Variants in DPF3 observed in about 807,000 individuals in gnomAD.
The protein encoded by DPF3 is zinc finger protein DPF3.
In DPF3, 18 loss-of-function variants were observed where a neutral mutation model predicts 56.8. That is an observed-to-expected ratio of 0.32 (90% CI 0.22 to 0.47). DPF3 has a LOEUF of 0.47. DPF3 is among the 20% of genes least tolerant of loss of function. DPF3 has a pLI of 1.00. For missense variants in DPF3, 403 were observed against 488.8 expected (o/e 0.82, Z 1.65); for synonymous variants, 188 against 180.2 (o/e 1.04, Z -0.35).
intron 7 of DPF3, among the ~76,000 whole-genome samples, chr14:72,690,186 G>A (rs879722100): frequency 3.9e-5 from 6 of 152,152 alleles, no homozygotes; most frequent in Admixed American, 3.9e-4. Context: ...ACATCTCCAC[G>A]TAGGGCGAGG....
intron 6 of DPF3, among the ~76,000 whole-genome samples, chr14:72,694,212 C>A (rs1383409129): frequency 6.6e-6 from 1 of 152,192 alleles, no homozygotes; most frequent in Non-Finnish European, 1.5e-5. Context: ...CCTAGGGGGA[C>A]GGCATTGCTG....
chr14:72,650,565 G>C (rs960305075), intron 8 of DPF3, among the ~76,000 whole-genome samples: 2 of 152,172 alleles, frequency 1.3e-5, no homozygotes, highest in Admixed American at 1.3e-4. Context: ...GCTGAGGATA[G>C]GGCAGCACCT....
intron 1 of DPF3, among the ~76,000 whole-genome samples, chr14:72,886,891 C>T (rs1599527224): frequency 6.6e-6 from 1 of 152,250 alleles, no homozygotes; most frequent in East Asian, 1.9e-4. Context: ...TAGTTCCACA[C>T]AACTGCTGGG....
chr14:72,667,412 G>C (rs944625163), intron 8 of DPF3, among the ~76,000 whole-genome samples: 1 of 152,176 alleles, frequency 6.6e-6, no homozygotes, highest in Admixed American at 6.5e-5. Flanking sequence ...CTATATCTTT[G>C]GTTCCCCTCT....
At chr14:72,882,845 G>A (rs886543111) in intron 1 of DPF3, among the ~76,000 whole-genome samples, 3 of 151,984 alleles carry the variant, frequency 2.0e-5, no homozygotes, top group Non-Finnish European at 4.4e-5. Flanking sequence ...AGGAAAAGCC[G>A]AGGGCAGCAG....
chr14:72,824,686 C>T (rs1883711988), intron 1 of DPF3, among the ~76,000 whole-genome samples: 1 of 151,880 alleles, frequency 6.6e-6, no homozygotes. Context: ...CCTGCTCCTC[C>T]TCAGTCTCCC....
chr14:72,699,061 G>A (rs1385314100), intron 6 of DPF3, among the ~76,000 whole-genome samples: 4 of 152,194 alleles, frequency 2.6e-5, no homozygotes, highest in Non-Finnish European at 5.9e-5. Flanking sequence ...GGAAAGAGAC[G>A]TAGATTTTGG....
At chr14:72,636,463 CTG>C (rs575082202) in intron 8 of DPF3, among the ~76,000 whole-genome samples, 11 of 152,148 alleles carry the variant, frequency 7.2e-5, no homozygotes, top group Non-Finnish European at 1.3e-4. Flanking sequence ...TCTCCCTCTT[CTG>C]TCTCTCTCTC....
intron 1 of DPF3, chr14:72,836,033 C>A: frequency 1.0e-6 from 1 of 985,388 alleles, no homozygotes; most frequent in Non-Finnish European, 1.2e-6. Context: ...CACACGGGTG[C>A]CTCGGGGAGA....
At chr14:72,662,656 T>A in intron 8 of DPF3, 3 of 985,442 alleles carry the variant, frequency 3.0e-6, no homozygotes, top group Non-Finnish European at 3.6e-6. Context: ...CGCTGCAGGA[T>A]TTTCCACTCC....
chr14:72,694,719 C>T (rs1161685238), intron 6 of DPF3, among the ~76,000 whole-genome samples: 1 of 152,208 alleles, frequency 6.6e-6, no homozygotes, highest in Non-Finnish European at 1.5e-5. Context: ...CAAAAGCAAG[C>T]ATTTCCAATG....
At chr14:72,630,023 G>A (rs1310161112) in intron 8 of DPF3, among the ~76,000 whole-genome samples, 1 of 152,182 alleles carries the variant, frequency 6.6e-6, no homozygotes, top group Non-Finnish European at 1.5e-5. Flanking sequence ...TGATCAGAGA[G>A]AACGAGAGAG....
At chr14:72,892,562 G>T in intron 1 of DPF3, 2 of 1,337,532 alleles carry the variant, frequency 1.5e-6, no homozygotes, top group Non-Finnish European at 1.9e-6. Flanking sequence ...TTCTCCCTGT[G>T]CATTCCTTTG....
chr14:72,716,066 A>G (rs1888912773), intron 5 of DPF3, among the ~76,000 whole-genome samples: 4 of 151,676 alleles, frequency 2.6e-5, no homozygotes, highest in Admixed American at 2.0e-4. Flanking sequence ...CAGCCCTGTC[A>G]CAGCCGCCTC....
chr14:72,893,254 G>A (rs1886847651), intron 1 of DPF3, among the ~76,000 whole-genome samples: 1 of 152,104 alleles, frequency 6.6e-6, no homozygotes, highest in Non-Finnish European at 1.5e-5. Flanking sequence ...GCCTCACCCA[G>A]AGGTGGCGAG....
intron 1 of DPF3, among the ~76,000 whole-genome samples, chr14:72,840,933 C>A (rs1820651526): frequency 6.6e-6 from 1 of 152,164 alleles, no homozygotes; most frequent in Admixed American, 6.5e-5. Context: ...ACCCTCTGCT[C>A]CTAGAAATAC....
intron 3 of DPF3, among the ~76,000 whole-genome samples, chr14:72,743,202 C>T (rs112803476): frequency 1.3e-5 from 2 of 152,172 alleles, no homozygotes; most frequent in African/African-American, 4.8e-5. Context: ...GGCAAAGAGC[C>T]ACCCTGCTCC....
chr14:72,671,084 G>T, intron 8 of DPF3: 14 of 1,599,760 alleles, frequency 8.8e-6, no homozygotes, highest in Non-Finnish European at 1.2e-5. Flanking sequence ...CCAGCACAAT[G>T]ACCAAAGTCA....
chr14:72,651,181 TGAGG>T (rs776894454), intron 8 of DPF3, among the ~76,000 whole-genome samples: 1 of 151,068 alleles, frequency 6.6e-6, no homozygotes, highest in African/African-American at 2.4e-5. Context: ...CCCTGGCCCC[TGAGG>T]GAGGTGGCCC....
Sources: allele counts gnomAD v4.1 joint callset (sites outside exome capture counted in the v4.1 genomes callset), GRCh38; gene constraint gnomAD v4.1.1; transcripts MANE v1.5; gene names NCBI Gene and HGNC (gene_info 2026-07-23, HGNC 2026-07-21).